BRAT1: variants seen among roughly 807,000 people sequenced by gnomAD.
BRAT1 encodes BRCA1 associated ATM activator 1, also known as integrator complex assembly factor BRAT1.
BRAT1 carries 74 observed loss-of-function variants against 70.6 expected under a neutral mutation model. The ratio of observed to expected loss-of-function variants is 1.05; its 90% CI spans 0.87 to 1.27. The LOEUF (loss-of-function observed/expected upper bound fraction) is 1.27, where lower values mean the gene tolerates loss of function less well. Ranked by LOEUF, BRAT1 falls within the 50% of genes most tolerant of loss-of-function variation. The probability of loss-of-function intolerance (pLI) is 0.00; values close to 1 mark genes in which losing one functional copy is unlikely to be tolerated. For synonymous variants in BRAT1, 615 were observed against 517.1 expected (o/e 1.19, Z -2.57); for missense variants, 1,203 against 1,098.2 (o/e 1.10, Z -1.35).
chr7:2,551,663 C>T (rs79182702), intron 2 of BRAT1, among the ~76,000 whole-genome samples: 1,633 of 148,008 alleles, frequency 0.011, 41 homozygotes, highest in African/African-American at 0.038. Context: ...CTGGGTGACG[C>T]GCAAAAACCC....
Position 2,545,062 on chromosome 7 carries a change from A to T in BRAT1, c.283-6T>A. ...CCTGGTAGTAACTCCCCCTGCTGGGAAGCAAAAAAAGAAGTGAGGGTGGCC... is the reference window on the plus strand; with the variant it reads ...CCTGGTAGTAACTCCCCCTGCTGGGTAGCAAAAAAAGAAGTGAGGGTGGCC... On this transcript the variant is annotated splice_region_variant and splice_polypyrimidine_tract_variant and intron_variant, in intron 3 of 13. Coordinates refer to ENST00000340611, the MANE Select transcript of BRAT1 (RefSeq NM_152743.4). 3.4e-6 allele frequency: 5 copies of T among 1,482,802 alleles called. No homozygotes were observed. Among genetic ancestry groups the T allele is most frequent in the Non-Finnish European group, 4.5e-6 (5 of 1,115,262 alleles). 91.9% of individuals were successfully genotyped at this position (1,482,802 alleles called of 1,614,324 possible). A position where few individuals can be genotyped will look rare whatever the true frequency, so the allele number is the denominator to read the frequency against.
At chr7:2,545,388 A>AAAAAAAAAAAAC (rs1779530612) in intron 3 of BRAT1, among the ~76,000 whole-genome samples, 1 of 149,916 alleles carries the variant, frequency 6.7e-6, no homozygotes, top group Admixed American at 6.7e-5. Flanking sequence ...AAAAAAAAAA[A>AAAAAAAAAAAAC]AAGAGGTGAG....
intron 2 of BRAT1, among the ~76,000 whole-genome samples, chr7:2,550,850 T>C (rs568044925): frequency 6.6e-6 from 1 of 152,306 alleles, no homozygotes; most frequent in South Asian, 2.1e-4. Flanking sequence ...CATTTATTTA[T>C]TTATTTTGTC....
At chr7:2,542,719 G>T in intron 6 of BRAT1, 1 of 178,920 alleles carries the variant, frequency 5.6e-6, no homozygotes, top group South Asian at 1.2e-4. Context: ...CCTGTGGGCA[G>T]CAGGTCCTGA....
At chr7:2,549,163 T>C (rs1396242121) in intron 2 of BRAT1, among the ~76,000 whole-genome samples, 3 of 152,166 alleles carry the variant, frequency 2.0e-5, no homozygotes, top group Non-Finnish European at 4.4e-5. Flanking sequence ...CTTCAGACTT[T>C]TTAAAAAATC....
Position 2,543,403 on chromosome 7 carries a change from T to G in BRAT1, c.804-80A>C. 1.3e-6 allele frequency: 2 copies of G among 1,502,384 alleles called. No homozygotes were observed. The highest frequency in any genetic ancestry group is 4.7e-5 in the East Asian group (2 of 42,228). 93.1% of individuals were successfully genotyped at this position (1,502,384 alleles called of 1,614,324 possible). On this transcript the variant is annotated intron_variant, in intron 5 of 13. Transcript: ENST00000340611. The surrounding 1 kb of genome is among the most constrained non-coding windows in gnomAD (Gnocchi z 5.5). ...GAGGCCTGGCTGAGACTGCCATGGC[T>G]CCGGCACTGGAGGCGCCCAGCCCAA... is the stretch of plus-strand genomic sequence containing the variant.
At chr7:2,555,274 A>C (rs952922609) in intron 1 of BRAT1, among the ~76,000 whole-genome samples, 4 of 151,990 alleles carry the variant, frequency 2.6e-5, no homozygotes, top group African/African-American at 9.7e-5. Context: ...AACCCTCCCC[A>C]CACTTTGAAG....
chr7:2,553,028 G>A (rs1333727843), intron 2 of BRAT1, among the ~76,000 whole-genome samples: 1 of 151,848 alleles, frequency 6.6e-6, no homozygotes, highest in African/African-American at 2.4e-5. Context: ...ACAGGCTTGA[G>A]CCACCGCGCT....
intron 3 of BRAT1, among the ~76,000 whole-genome samples, chr7:2,546,625 C>G (rs541896640): frequency 2.3e-4 from 35 of 152,016 alleles, no homozygotes; most frequent in African/African-American, 8.2e-4. Context: ...GTCCCAGATA[C>G]TCGGGAGGCT....
chr7:2,538,657 G>A lies in BRAT1; in HGVS notation c.1878C>T (p.Asp626=), dbSNP rs369763195. ...FTEWLRDGHA[D]AAQDTEQFVA... ...CGAACTGCTCCGTGTCCTGGGCCGC[G>A]TCGGCGTGGCCGTCCCGCAGCCACT... Residue 626 remains aspartate, a synonymous_variant, in exon 14 of 14, where the codon GAC becomes GAT. Transcript: ENST00000340611. 33 of 1,598,320 alleles carry A rather than the reference G, an allele frequency of 2.1e-5. No homozygotes were observed. In the African/African-American group the frequency reaches 2.8e-4, roughly 14 times the overall value.
chr7:2,545,363 C>CAAAAAA (rs1185029266), intron 3 of BRAT1, among the ~76,000 whole-genome samples: 389 of 25,142 alleles, frequency 0.015, 41 homozygotes, highest in African/African-American at 0.046. Context: ...GACTCCATCT[C>CAAAAAA]AAAAAAAAAA....
Position 2,554,305 on chromosome 7 carries a change from C to G in BRAT1, c.127G>C (p.Glu43Gln), listed in dbSNP as rs773277627. The G allele has an allele frequency of 2.5e-6, 4 of 1,613,476 alleles. No individual in the cohort carries two copies. Among genetic ancestry groups the G allele is most frequent in the Middle Eastern group, 1.6e-4 (1 of 6,062 alleles). The change falls in exon 2 of 14, where the codon GAG becomes CAG. Residue 43 changes from glutamate to glutamine, a missense_variant and splice_region_variant. Coordinates refer to ENST00000340611, the MANE Select transcript of BRAT1 (RefSeq NM_152743.4). ...LDWFKTVTEGESSVVLLQEHP... is the reference protein window; with the variant it reads ...LDWFKTVTEGQSSVVLLQEHP... ...GTAAACAGCAGCACCACCTCCTTAC[C>G]TCCTTCAGTGACCGTTTTAAACCAG...
intron 10 of BRAT1, chr7:2,540,751 C>A (rs1464401900): frequency 2.3e-6 from 1 of 437,304 alleles, no homozygotes; most frequent in Non-Finnish European, 4.0e-6. Context: ...AGTGCCCCTG[C>A]TCCCCACGGC....
At chr7:2,544,789 G>A (rs1222656787) in intron 4 of BRAT1, 120 bp downstream of exon 4, 15 of 1,426,206 alleles carry the variant, frequency 1.1e-5, no homozygotes, top group Non-Finnish European at 1.4e-5. Context: ...TCACAGTGCA[G>A]TCTTTGCAAC....
Position 2,537,941 on chromosome 7 carries a change from C to G in BRAT1, c.*128G>C. On this transcript the variant is annotated 3_prime_UTR_variant, in exon 14 of 14. Coordinates refer to ENST00000340611, the MANE Select transcript of BRAT1 (RefSeq NM_152743.4). ...TGTGGGATTTCTTGACCTTGCTTCT[C>G]TCCTGGTCCTGGCTTCCCCAGAGGA... The G allele has an allele frequency of 1.5e-6, 2 of 1,364,842 alleles. No individual in the cohort carries two copies. Among genetic ancestry groups the G allele is most frequent in the Non-Finnish European group, 1.9e-6 (2 of 1,056,348 alleles). 84.5% of individuals were successfully genotyped at this position (1,364,842 alleles called of 1,614,324 possible).
Position 2,541,736 on chromosome 7 carries a change from C to T in BRAT1, c.1116G>A (p.Leu372=), listed in dbSNP as rs994636450. The part of the protein sequence containing the change: ...AGLLCRTLAH[L]EELQPLPQRP... ...CACCTACCAGCGGCTGCAGCTCCTCCAGGTGAGCCAGGGTGCGGCACAGGA... is the reference window on the plus strand; with the variant it reads ...CACCTACCAGCGGCTGCAGCTCCTCTAGGTGAGCCAGGGTGCGGCACAGGA... Residue 372 remains leucine (L), a synonymous_variant, in exon 8 of 14, where the codon CTG becomes CTA. Transcript: ENST00000340611. 3.1e-6 allele frequency: 5 copies of T among 1,609,754 alleles called. No homozygotes were observed. The highest frequency in any genetic ancestry group is 1.3e-5 in the African/African-American group (1 of 74,868).
intron 2 of BRAT1, among the ~76,000 whole-genome samples, chr7:2,549,211 G>C (rs1779824270): frequency 6.6e-6 from 1 of 152,000 alleles, no homozygotes; most frequent in Admixed American, 6.6e-5. Flanking sequence ...AGCCACTGAA[G>C]AACACAAATA....
Position 2,543,599 on chromosome 7 carries a change from C to A in BRAT1, c.794G>T (p.Cys265Phe). The A allele has an allele frequency of 6.6e-7, 1 of 1,518,396 alleles. No homozygotes were observed. The allele number at this position is 1,518,396 out of a possible 1,614,324, so 94.1% of individuals were successfully genotyped here. ...AAHSFVDLLL[C>F]VARSPVFSSS... ...GTCCCGGGGCCCTGACCGAGCCACA[C>A]AGAGAAGCAGGTCCACGAACGAGTG... Residue 265 changes from cysteine (C) to phenylalanine (F), a missense_variant, in exon 5 of 14, where the codon TGT becomes TTT. Coordinates refer to ENST00000340611, the MANE Select transcript of BRAT1 (RefSeq NM_152743.4). This position sits in a 1 kb window ranked among gnomAD's most constrained non-coding sequence, Gnocchi z 5.5.
At chr7:2,540,000 C>T in intron 10 of BRAT1, 112 bp from the exon 11 acceptor site, 1 of 735,938 alleles carries the variant, frequency 1.4e-6, no homozygotes, top group Non-Finnish European at 2.1e-6. Context: ...GCAATGGGGA[C>T]AGGAAGTGGA....
Sources: allele counts gnomAD v4.1 joint callset (sites outside exome capture counted in the v4.1 genomes callset), GRCh38; gene constraint gnomAD v4.1.1; non-coding constraint Gnocchi (gnomAD v3.1); transcripts MANE v1.5; gene names NCBI Gene and HGNC (gene_info 2026-07-23, HGNC 2026-07-21).